The following PLA2G6 variants were observed in gnomAD, a reference collection of about 807,000 sequenced individuals.
The protein encoded by PLA2G6 is 85/88 kDa calcium-independent phospholipase A2.
Under a neutral mutation model 83.8 loss-of-function variants are expected in PLA2G6, and 62 were observed. That is an observed-to-expected ratio of 0.74 (90% CI 0.60 to 0.91). The LOEUF (loss-of-function observed/expected upper bound fraction) is 0.91. PLA2G6 is among the 40% of genes least tolerant of loss of function. The pLI, the probability that PLA2G6 is intolerant of heterozygous loss-of-function variation, is 0.00. For synonymous variants in PLA2G6, 417 were observed against 449.8 expected (o/e 0.93, Z 0.92); for missense variants, 944 against 1,102.0 (o/e 0.86, Z 2.03).
chr22:38,131,447 A>G (rs1371569991), intron 7 of PLA2G6: 2 of 152,174 alleles, frequency 1.3e-5, no homozygotes. Flanking sequence ...TTAAATTTCT[A>G]AAATGGTAAA....
intron 12 of PLA2G6, among the ~76,000 whole-genome samples, chr22:38,119,047 C>T (rs1260637666): frequency 9.2e-5 from 14 of 152,196 alleles, no homozygotes; most frequent in Admixed American, 9.2e-4. Context: ...CAGGCTTGAG[C>T]CACCATGCCT....
intron 2 of PLA2G6, among the ~76,000 whole-genome samples, chr22:38,168,588 G>C (rs1370375059): frequency 6.6e-6 from 1 of 152,136 alleles, no homozygotes; most frequent in Non-Finnish European, 1.5e-5. Flanking sequence ...AGTGGCTCAC[G>C]CCTGCAATCC....
intron 2 of PLA2G6, among the ~76,000 whole-genome samples, chr22:38,158,849 T>A (rs1282781122): frequency 6.6e-6 from 1 of 152,188 alleles, no homozygotes; most frequent in Non-Finnish European, 1.5e-5. Context: ...AATGGGGCCA[T>A]TAGGAGGTAA....
intron 2 of PLA2G6, among the ~76,000 whole-genome samples, chr22:38,151,107 C>G (rs2145855619): frequency 6.6e-6 from 1 of 152,222 alleles, no homozygotes; most frequent in Admixed American, 6.5e-5. Flanking sequence ...CTGTACTTAG[C>G]ACACAAAACA....
intron 1 of PLA2G6, among the ~76,000 whole-genome samples, chr22:38,171,003 T>TAAAATA (rs2090415178): frequency 6.6e-6 from 1 of 152,024 alleles, no homozygotes; most frequent in Non-Finnish European, 1.5e-5. Context: ...AAACCCCGTC[T>TAAAATA]CTACTAAAAA....
chr22:38,161,155 G>A (rs1014611693), intron 2 of PLA2G6, among the ~76,000 whole-genome samples: 2 of 152,158 alleles, frequency 1.3e-5, no homozygotes, highest in African/African-American at 4.8e-5. Flanking sequence ...ATAACCCATT[G>A]TATAGCGATG....
Position 38,134,691 on chromosome 22 carries a change from T to C in PLA2G6, c.894+297A>G. ...ACGCCACCTTCTATTTGGGAAGCACTTTACAATTTGTGCCGAGTTTTGTCA... is the reference window on the plus strand; with the variant it reads ...ACGCCACCTTCTATTTGGGAAGCACCTTACAATTTGTGCCGAGTTTTGTCA... On this transcript the variant is annotated intron_variant, in intron 6 of 16. Coordinates refer to ENST00000332509, the MANE Select transcript of PLA2G6 (RefSeq NM_003560.4). The C allele has an allele frequency of 6.8e-6, 3 of 441,476 alleles. No individual in the cohort carries two copies. In the South Asian group the frequency reaches 9.0e-5, roughly 13 times the overall value. 27.3% of individuals were successfully genotyped at this position (441,476 alleles called of 1,614,324 possible).
chr22:38,125,134 ATG>A (rs11570718), intron 10 of PLA2G6, among the ~76,000 whole-genome samples: 3 of 152,188 alleles, frequency 2.0e-5, no homozygotes, highest in Admixed American at 2.0e-4. Context: ...ATGTGTGTAC[ATG>A]TGTGTGCATG....
intron 2 of PLA2G6, among the ~76,000 whole-genome samples, chr22:38,165,232 T>G (rs1461081623): frequency 6.6e-6 from 1 of 152,246 alleles, no homozygotes; most frequent in Non-Finnish European, 1.5e-5. Context: ...CACATTCATT[T>G]GTTCCACAAA....
intron 11 of PLA2G6, among the ~76,000 whole-genome samples, chr22:38,121,398 T>C (rs2076116): frequency 0.42 from 64,510 of 152,008 alleles, 14,134 homozygotes; most frequent in South Asian, 0.57. Context: ...GGCTCTGCAC[T>C]TCATCTTGTA....
chr22:38,157,281 ACC>A (rs2145879542), intron 2 of PLA2G6, among the ~76,000 whole-genome samples: 1 of 152,298 alleles, frequency 6.6e-6, no homozygotes, highest in East Asian at 1.9e-4. Context: ...AGATATTACA[ACC>A]AATATCACAG....
Position 38,123,541 on chromosome 22 carries a change from C to G in PLA2G6, c.1428-283G>C, listed in dbSNP as rs527310611. Among the ~76,000 whole-genome samples, 45 of 152,140 alleles carry G rather than the reference C, an allele frequency of 3.0e-4. No individual in the cohort carries two copies. Among genetic ancestry groups the G allele is most frequent in the Non-Finnish European group, 6.0e-4 (41 of 68,032 alleles). On this transcript the variant is annotated intron_variant, in intron 10 of 16. Coordinates refer to ENST00000332509, the MANE Select transcript of PLA2G6 (RefSeq NM_003560.4). The surrounding 1 kb of genome is among the most constrained non-coding windows in gnomAD (Gnocchi z 4.1). ...CCATCCCAGCAGGATCTCGGCCAGT[C>G]TCCCCAACTTGGGACACCTGATTTT...
chr22:38,171,160 G>A (rs1337050526), intron 1 of PLA2G6, among the ~76,000 whole-genome samples: 4 of 122,792 alleles, frequency 3.3e-5, no homozygotes, highest in Non-Finnish European at 6.7e-5. Context: ...CAACAAGAGC[G>A]AAACTCCGTC....
chr22:38,118,755 T>C (rs1265374851), intron 12 of PLA2G6, among the ~76,000 whole-genome samples: 2 of 70,080 alleles, frequency 2.9e-5, no homozygotes, highest in African/African-American at 8.2e-5. Flanking sequence ...TTGTTTTTGT[T>C]TTTTTTTTTT....
chr22:38,113,799 C>T (rs1232582494), intron 14 of PLA2G6, 145 bp from the exon 15 acceptor site: 15 of 775,326 alleles, frequency 1.9e-5, no homozygotes, highest in Non-Finnish European at 2.9e-5. Context: ...GCATGCCTGG[C>T]ATGATTTCCA....
intron 9 of PLA2G6, chr22:38,127,579 G>C (rs2087941218): frequency 1.7e-6 from 1 of 596,918 alleles, no homozygotes; most frequent in African/African-American, 1.9e-5. Context: ...GGCTTGGTCG[G>C]GCTACCCTGG....
intron 2 of PLA2G6, among the ~76,000 whole-genome samples, chr22:38,167,494 G>A: frequency 6.6e-6 from 1 of 152,012 alleles, no homozygotes. Context: ...AGCTCTCCAA[G>A]GAGTGGACCC....
rs751500856 is a variant in PLA2G6 at position 38,169,303 on chromosome 22, C to T, written c.124G>A (p.Gly42Arg). The change falls in exon 2 of 17, where the codon GGG becomes AGG. Residue 42 changes from glycine (G) to arginine (R), a missense_variant. Transcript: ENST00000332509. The part of the protein sequence containing the change: ...YTSSDRVREE[G>R]QLILFQNTPN... ...GTGTTCTGGAACAGAATCAGCTGCC[C>T]TTCCTCCCGAACTCGGTCACTCGAG... 3.1e-6 allele frequency: 5 copies of T among 1,614,104 alleles called. No homozygotes were observed. The highest frequency in any genetic ancestry group is 4.2e-6 in the Non-Finnish European group (5 of 1,180,038).
At chr22:38,134,938 C>T in intron 6 of PLA2G6, 50 bp downstream of exon 6, 1 of 1,396,144 alleles carries the variant, frequency 7.2e-7, no homozygotes, top group Non-Finnish European at 1.0e-6. Context: ...CCCTGAGGAC[C>T]TGCGGGGCCC....
Sources: gnomAD v4.1 joint callset for allele counts (sites outside exome capture counted in the v4.1 genomes callset) on GRCh38, gnomAD v4.1.1 for gene constraint, Gnocchi (gnomAD v3.1) non-coding constraint, MANE v1.5 for transcripts, NCBI Gene and HGNC (gene_info 2026-07-23, HGNC 2026-07-21) for gene names.